EXOC4: variants seen among roughly 807,000 people sequenced by gnomAD.
EXOC4 encodes the protein exocyst complex component 4, also known as SEC8-like 1.
Under a neutral mutation model 107.2 loss-of-function variants are expected in EXOC4, and 71 were observed. The observed-to-expected ratio is 0.66, with a 90% confidence interval of 0.55 to 0.81. The LOEUF (loss-of-function observed/expected upper bound fraction) is 0.81. Among genes scored for constraint, EXOC4 ranks in the 30% least tolerant of loss-of-function variants. The probability of loss-of-function intolerance (pLI) is 0.00; values close to 1 mark genes in which losing one functional copy is unlikely to be tolerated. For synonymous variants in EXOC4, 456 were observed against 441.2 expected (o/e 1.03, Z -0.42); for missense variants, 1,108 against 1,189.6 (o/e 0.93, Z 1.01).
chr7:133,263,058 A>G (rs74480424), intron 1 of EXOC4, among the ~76,000 whole-genome samples: 2,560 of 152,274 alleles, frequency 0.017, 76 homozygotes, highest in African/African-American at 0.058. Flanking sequence ...TGCCATGTAA[A>G]TGTGACTTTG....
At chr7:134,071,272 A>G (rs1796270085), downstream of EXOC4, among the ~76,000 whole-genome samples, 1 of 152,230 alleles carries the variant, frequency 6.6e-6, no homozygotes, top group South Asian at 2.1e-4. Flanking sequence ...ACCAGAGTTC[A>G]TTCTGGAACC....
intron 7 of EXOC4, among the ~76,000 whole-genome samples, chr7:133,474,261 G>T (rs1464047219): frequency 6.6e-6 from 1 of 151,978 alleles, no homozygotes; most frequent in Non-Finnish European, 1.5e-5. Context: ...ATAATTCTTA[G>T]ATTTTAAATT....
chr7:134,017,382 G>A (rs890546773), intron 17 of EXOC4, among the ~76,000 whole-genome samples: 2 of 152,118 alleles, frequency 1.3e-5, no homozygotes, highest in African/African-American at 4.8e-5. Context: ...ATTGGGAAAT[G>A]CGATGGTTTA....
At chr7:133,370,868 C>T (rs1465999829) in intron 6 of EXOC4, among the ~76,000 whole-genome samples, 1 of 152,172 alleles carries the variant, frequency 6.6e-6, no homozygotes, top group Non-Finnish European at 1.5e-5. Flanking sequence ...ATTTTTCCAG[C>T]AGTGTTGTGA....
At chr7:133,580,578 A>T (rs1801236091) in intron 9 of EXOC4, among the ~76,000 whole-genome samples, 1 of 152,202 alleles carries the variant, frequency 6.6e-6, no homozygotes, top group African/African-American at 2.4e-5. Flanking sequence ...CGATTCAGAG[A>T]GGTGTAAAGT....
chr7:133,808,474 T>C (rs1797133330), intron 10 of EXOC4, among the ~76,000 whole-genome samples: 2 of 152,220 alleles, frequency 1.3e-5, no homozygotes, highest in South Asian at 4.1e-4. Context: ...TCAAATCAAT[T>C]CCTCTGAGGC....
chr7:133,332,554 G>A (rs572825688), intron 5 of EXOC4, among the ~76,000 whole-genome samples: 2 of 152,294 alleles, frequency 1.3e-5, no homozygotes, highest in South Asian at 2.1e-4. Flanking sequence ...GGCAGAGGTT[G>A]CAGTGAGGTG....
At position 133,908,799 on chromosome 7, in the gene EXOC4, AT is replaced by A. The variant is rs1585240672; in HGVS notation, c.1872-8782del. Among the ~76,000 whole-genome samples, 3 of 152,328 alleles carry A rather than the reference AT, an allele frequency of 2.0e-5. No individual in the cohort carries two copies. In the East Asian group the frequency reaches 5.8e-4, roughly 29 times the overall value. ...TTTAAATTAATTCATTGATGATATT[AT>A]TGATATTCAATAAGAAGACAGTACA... On this transcript the variant is annotated intron_variant, in intron 12 of 17. Coordinates refer to ENST00000253861, the MANE Select transcript of EXOC4 (RefSeq NM_021807.4).
intron 7 of EXOC4, among the ~76,000 whole-genome samples, chr7:133,384,542 A>G (rs965480547): frequency 2.0e-5 from 3 of 152,156 alleles, no homozygotes; most frequent in Non-Finnish European, 4.4e-5. Context: ...CCAAGAGGCC[A>G]TAATAAGTTG....
intron 9 of EXOC4, among the ~76,000 whole-genome samples, chr7:133,565,319 G>A (rs1800886920): frequency 6.6e-6 from 1 of 152,122 alleles, no homozygotes; most frequent in African/African-American, 2.4e-5. Flanking sequence ...AATAATTATA[G>A]TCTCCTCATG....
intron 10 of EXOC4, among the ~76,000 whole-genome samples, chr7:133,801,554 CG>C (rs560732213): frequency 8.7e-4 from 132 of 152,190 alleles, no homozygotes; most frequent in African/African-American, 3.1e-3. Flanking sequence ...CCTGAGTTGG[CG>C]GGGGGCTCTG....
chr7:134,076,413 G>A, the EXOC4 span, among the ~76,000 whole-genome samples: 1 of 152,090 alleles, frequency 6.6e-6, no homozygotes, highest in Non-Finnish European at 1.5e-5. Flanking sequence ...AGCTACTCGG[G>A]ACGCTGAGGC....
intron 7 of EXOC4, among the ~76,000 whole-genome samples, chr7:133,471,963 C>T (rs1798890065): frequency 6.6e-6 from 1 of 151,734 alleles, no homozygotes; most frequent in African/African-American, 2.4e-5. Context: ...GGCAAGGGCT[C>T]CTTGAAGAAA....
intron 7 of EXOC4, among the ~76,000 whole-genome samples, chr7:133,461,873 A>G (rs1030303537): frequency 1.3e-5 from 2 of 152,188 alleles, no homozygotes; most frequent in Non-Finnish European, 2.9e-5. Context: ...CCTGGCTGAC[A>G]GGCGGCAGAG....
At position 133,759,009 on chromosome 7, in the gene EXOC4, C is replaced by T. The variant is rs555838615; in HGVS notation, c.1515-58316C>T. The stretch of plus-strand genomic sequence containing the variant: ...GAGGAATAAGGAGAGGGACCACTAT[C>T]ATGTGGACAGAGTAGACAGTTTTAA... On this transcript the variant is annotated intron_variant, in intron 10 of 17. Transcript: ENST00000253861. Among the ~76,000 whole-genome samples, 10 of 152,286 alleles carry T rather than the reference C, an allele frequency of 6.6e-5. No individual in the cohort carries two copies. In the South Asian group the frequency reaches 2.1e-3, roughly 32 times the overall value.
At chr7:134,052,708 T>G (rs6975523) in intron 17 of EXOC4, among the ~76,000 whole-genome samples, 1 of 152,136 alleles carries the variant, frequency 6.6e-6, no homozygotes, top group Non-Finnish European at 1.5e-5. Context: ...TATCCCATGC[T>G]TAAATGAAAA....
intron 1 of EXOC4, among the ~76,000 whole-genome samples, chr7:133,271,534 C>T (rs1320356555): frequency 1.3e-5 from 2 of 152,086 alleles, no homozygotes. Flanking sequence ...TAGCAAACAG[C>T]GTTGGAAGAT....
rs1274859954 is a variant in EXOC4, at chr7:133,306,188, A to C, written c.656+127A>C. The C allele has an allele frequency of 4.0e-6, 3 of 753,780 alleles. No homozygotes were observed. In the East Asian group the frequency reaches 8.9e-5, roughly 22 times the overall value. 46.7% of individuals were successfully genotyped at this position (753,780 alleles called of 1,614,324 possible). On this transcript the variant is annotated intron_variant, in intron 4 of 17. Transcript: ENST00000253861. ...TTAATGGACTGTCTCTGAAACTTGA[A>C]GATGGTTTTATAATAGCAAATACTC...
chr7:133,978,490 A>G (rs1793895198), intron 14 of EXOC4, among the ~76,000 whole-genome samples: 1 of 152,240 alleles, frequency 6.6e-6, no homozygotes, highest in Non-Finnish European at 1.5e-5. Context: ...TCTCAGGAGT[A>G]GAAGGTTACA....
Sources: gnomAD v4.1 joint callset for allele counts (sites outside exome capture counted in the v4.1 genomes callset) on GRCh38, gnomAD v4.1.1 for gene constraint, MANE v1.5 for transcripts, NCBI Gene and HGNC (gene_info 2026-07-23, HGNC 2026-07-21) for gene names.